PCDH7: variants seen among roughly 807,000 people sequenced by gnomAD.
PCDH7 encodes the protein protocadherin-7.
PCDH7 carries 17 observed loss-of-function variants against 58.9 expected under a neutral mutation model. The observed-to-expected ratio is 0.29, with a 90% CI of 0.20 to 0.43. The LOEUF (loss-of-function observed/expected upper bound fraction) is 0.43, where lower values mean the gene tolerates loss of function less well. Ranked by LOEUF, PCDH7 falls within the 20% of genes least tolerant of loss-of-function variation. The pLI, the probability that PCDH7 is intolerant of heterozygous loss-of-function variation, is 1.00. For missense variants in PCDH7, 1,274 were observed against 1,441.0 expected, an observed-to-expected ratio of 0.88 and a Z score of 1.88; for synonymous variants, 664 against 616.4, an observed-to-expected ratio of 1.08 and a Z score of -1.14.
intron 1 of PCDH7, among the ~76,000 whole-genome samples, chr4:30,775,630 G>T (rs535244065): frequency 6.6e-6 from 1 of 152,064 alleles, no homozygotes; most frequent in African/African-American, 2.4e-5. Context: ...GTTATAGGAC[G>T]GGCATGGTGG....
exon 1 of PCDH7, chr4:30,724,478 A>G (rs1396420148): frequency 1.2e-5 from 20 of 1,613,974 alleles, no homozygotes; most frequent in Non-Finnish European, 1.6e-5. Context: ...AAAAAACACC[A>G]GGCCGTACAA....
intron 3 of PCDH7, among the ~76,000 whole-genome samples, chr4:30,958,807 A>G (rs953398253): frequency 3.3e-5 from 5 of 152,062 alleles, no homozygotes; most frequent in African/African-American, 7.2e-5. Context: ...AGTGACCAGA[A>G]AAAACAAAAT....
chr4:31,014,607 C>T (rs1190353182), intron 3 of PCDH7, among the ~76,000 whole-genome samples: 1 of 152,032 alleles, frequency 6.6e-6, no homozygotes, highest in Non-Finnish European at 1.5e-5. Flanking sequence ...TTTATCTTAA[C>T]AAAAAATGTT....
At chr4:30,835,238 G>A (rs1043219503) in intron 1 of PCDH7, among the ~76,000 whole-genome samples, 14 of 152,054 alleles carry the variant, frequency 9.2e-5, no homozygotes, top group African/African-American at 2.2e-4. Context: ...GCCACGAACC[G>A]GTCCAGGTTC....
chr4:30,872,292 T>G (rs1010672165), intron 1 of PCDH7, among the ~76,000 whole-genome samples: 3 of 152,144 alleles, frequency 2.0e-5, no homozygotes, highest in Non-Finnish European at 4.4e-5. Context: ...AAACTTTTTC[T>G]GTAAGGATCC....
intron 1 of PCDH7, among the ~76,000 whole-genome samples, chr4:30,885,795 C>A (rs368680902): frequency 6.6e-6 from 1 of 152,052 alleles, no homozygotes; most frequent in Non-Finnish European, 1.5e-5. Flanking sequence ...TGGAACAGAA[C>A]AGAGCCCTCA....
chr4:31,137,540 T>C (rs1481706076), intron 3 of PCDH7, among the ~76,000 whole-genome samples: 1 of 152,154 alleles, frequency 6.6e-6, no homozygotes, highest in Non-Finnish European at 1.5e-5. Flanking sequence ...GCCGAGATCG[T>C]GCCACTGCAC....
chr4:31,109,604 A>G (rs1261341038), intron 3 of PCDH7, among the ~76,000 whole-genome samples: 2 of 152,226 alleles, frequency 1.3e-5, no homozygotes, highest in Admixed American at 6.5e-5. Flanking sequence ...TATAATATAC[A>G]GAGAATGGGA....
intron 3 of PCDH7, among the ~76,000 whole-genome samples, chr4:30,995,402 C>T (rs1306997151): frequency 6.6e-6 from 1 of 152,048 alleles, no homozygotes; most frequent in South Asian, 2.1e-4. Context: ...GTCCCAGCTA[C>T]TCGGGAGGCT....
intron 3 of PCDH7, among the ~76,000 whole-genome samples, chr4:31,040,659 G>T (rs1755787981): frequency 6.6e-6 from 1 of 152,126 alleles, no homozygotes; most frequent in Non-Finnish European, 1.5e-5. Flanking sequence ...TACTCATTCA[G>T]CAGTTCATTA....
At chr4:31,056,458 G>GAAGGAAAGAAAGAAAGAAAGAAAGA (rs1553932369) in intron 3 of PCDH7, among the ~76,000 whole-genome samples, 7 of 83,226 alleles carry the variant, frequency 8.4e-5, no homozygotes, top group Admixed American at 1.3e-4. Flanking sequence ...AAGAAAGAAA[G>GAAGGAAAGAAAGAAAGAAAGAAAGA]AAGAAAGAAA....
intron 3 of PCDH7, among the ~76,000 whole-genome samples, chr4:30,975,143 T>TTTTGTGTG (rs1375190000): frequency 7.2e-6 from 1 of 138,764 alleles, no homozygotes; most frequent in South Asian, 2.5e-4. Flanking sequence ...TTCCCTTTCA[T>TTTTGTGTG]TGTGTGTGTG....
chr4:30,721,480 C>T lies in PCDH7; in HGVS notation c.58C>T (p.Leu20Phe). 1.3e-6 allele frequency: 2 copies of T among 1,587,780 alleles called. No individual in the cohort carries two copies. Among genetic ancestry groups the T allele is most frequent in the Non-Finnish European group, 1.7e-6 (2 of 1,172,610 alleles). The change falls in exon 1 of 2, where the codon CTC (leucine) becomes TTC (phenylalanine). Residue 20 changes from leucine (L) to phenylalanine (F), a missense_variant. This residue lies in a region of PCDH7 where 212 missense variants were observed against 255.8 expected (regional missense o/e 0.83). Transcript: ENST00000361762. The surrounding 1 kb of genome is among the most constrained non-coding windows in gnomAD (Gnocchi z 6.7). ...CGGCTGGTGCTTGGGCTGCTGCCTC[C>T]TCCTGCCGCTCTCGCTCAGCCTGGC...
intron 2 of PCDH7, among the ~76,000 whole-genome samples, chr4:30,929,201 T>C (rs564429619): frequency 6.6e-6 from 1 of 152,122 alleles, no homozygotes; most frequent in Non-Finnish European, 1.5e-5. Flanking sequence ...TAGAGTAGAG[T>C]AGATTGGATT....
intron 1 of PCDH7, among the ~76,000 whole-genome samples, chr4:30,910,603 A>G (rs112215875): frequency 0.014 from 2,156 of 152,296 alleles, 45 homozygotes; most frequent in African/African-American, 0.049. Context: ...CAAAACCACA[A>G]TGAGATACCC....
chr4:30,731,663 C>T (rs1244765602), exon 2 of PCDH7: 1 of 152,018 alleles, frequency 6.6e-6, no homozygotes, highest in African/African-American at 2.4e-5. Context: ...TATTAAACAT[C>T]CTATTTGATG....
chr4:30,976,850 C>T (rs1399799118), intron 3 of PCDH7, among the ~76,000 whole-genome samples: 2 of 152,004 alleles, frequency 1.3e-5, no homozygotes, highest in East Asian at 1.9e-4. Context: ...ATTATGCCAC[C>T]TGATTTTTCA....
chr4:30,861,847 A>G (rs1432130259), intron 1 of PCDH7, among the ~76,000 whole-genome samples: 1 of 152,140 alleles, frequency 6.6e-6, no homozygotes, highest in East Asian at 1.9e-4. Flanking sequence ...AGCTACTTAG[A>G]AGTAGAGCAC....
chr4:31,067,667 T>C (rs1229879087), intron 3 of PCDH7, among the ~76,000 whole-genome samples: 3 of 151,980 alleles, frequency 2.0e-5, no homozygotes, highest in Admixed American at 1.3e-4. Flanking sequence ...AGTAAAATAG[T>C]GTTTGCTAGG....
Sources: allele counts gnomAD v4.1 joint callset (sites outside exome capture counted in the v4.1 genomes callset), GRCh38; gene constraint gnomAD v4.1.1; regional missense constraint gnomAD v4.1.1; non-coding constraint Gnocchi (gnomAD v3.1); transcripts MANE v1.5; gene names NCBI Gene and HGNC (gene_info 2026-07-23, HGNC 2026-07-21).